The following FER variants were observed in gnomAD, a reference collection of about 807,000 sequenced individuals.
FER encodes the protein tyrosine-protein kinase Fer.
FER carries 63 observed loss-of-function variants against 111.0 expected under a neutral mutation model. The ratio of observed to expected loss-of-function variants is 0.57; its 90% CI spans 0.46 to 0.70. The LOEUF is 0.70. Ranked by LOEUF, FER falls within the 30% of genes least tolerant of loss-of-function variation. The pLI, the probability that FER is intolerant of heterozygous loss-of-function variation, is 0.00. For missense variants in FER, 914 were observed against 954.0 expected (o/e 0.96, Z 0.55); for synonymous variants, 327 against 313.9 (o/e 1.04, Z -0.44).
At chr5:108,917,602 G>T (rs1452138259) in intron 10 of FER, among the ~76,000 whole-genome samples, 1 of 152,168 alleles carries the variant, frequency 6.6e-6, no homozygotes, top group Non-Finnish European at 1.5e-5. Flanking sequence ...TGCTGAGTAG[G>T]TGTATGATGT....
At chr5:108,839,160 T>C (rs1760976380) in intron 5 of FER, among the ~76,000 whole-genome samples, 1 of 152,208 alleles carries the variant, frequency 6.6e-6, no homozygotes, top group South Asian at 2.1e-4. Context: ...GTGCCTCTTA[T>C]AGACGGGAAA....
At chr5:109,019,042 A>G (rs1366955138) in intron 13 of FER, among the ~76,000 whole-genome samples, 1 of 151,538 alleles carries the variant, frequency 6.6e-6, no homozygotes, top group Admixed American at 6.6e-5. Flanking sequence ...AATTCAAAAG[A>G]TACAAGCAGA....
At chr5:108,914,200 A>G (rs911909319) in intron 10 of FER, among the ~76,000 whole-genome samples, 1 of 151,752 alleles carries the variant, frequency 6.6e-6, no homozygotes, top group Non-Finnish European at 1.5e-5. Flanking sequence ...TTAGCATAGG[A>G]CCAAAATGAA....
intron 10 of FER, among the ~76,000 whole-genome samples, chr5:108,914,526 A>G (rs1390536751): frequency 2.6e-5 from 4 of 152,314 alleles, no homozygotes; most frequent in African/African-American, 9.6e-5. Context: ...TTTTGGGCAA[A>G]GGATTTTTGT....
At chr5:108,820,158 T>C in intron 3 of FER, 3 of 985,438 alleles carry the variant, frequency 3.0e-6, no homozygotes, top group Non-Finnish European at 3.6e-6. Flanking sequence ...TAGGCCATTA[T>C]TGTTTTAACA....
intron 17 of FER, among the ~76,000 whole-genome samples, chr5:109,166,163 C>G (rs970545301): frequency 1.3e-5 from 2 of 151,870 alleles, no homozygotes; most frequent in African/African-American, 2.4e-5. Context: ...TCATGTTAGC[C>G]TAGCCATAGG....
chr5:109,112,714 T>C (rs1191893522), intron 17 of FER, among the ~76,000 whole-genome samples: 1 of 152,174 alleles, frequency 6.6e-6, no homozygotes, highest in African/African-American at 2.4e-5. Context: ...GAATTAGCTT[T>C]TTTCCCATTA....
intron 10 of FER, among the ~76,000 whole-genome samples, chr5:108,915,074 T>A (rs1422353448): frequency 3.3e-5 from 5 of 152,168 alleles, no homozygotes; most frequent in African/African-American, 1.2e-4. Flanking sequence ...AACAAAGGAC[T>A]AAGAAGGTTA....
chr5:109,034,082 A>T (rs1261365149), intron 13 of FER, among the ~76,000 whole-genome samples: 1 of 152,204 alleles, frequency 6.6e-6, no homozygotes, highest in Non-Finnish European at 1.5e-5. Context: ...GATCTTGGAA[A>T]CTTACTCCTC....
chr5:108,993,605 G>GGGCA (rs1561736970), intron 13 of FER, among the ~76,000 whole-genome samples: 2 of 113,352 alleles, frequency 1.8e-5, no homozygotes, highest in African/African-American at 7.1e-5. Flanking sequence ...GGGCGAGGGC[G>GGGCA]AGGGAGAGGG....
intron 13 of FER, among the ~76,000 whole-genome samples, chr5:109,005,193 CTT>C (rs1259515021): frequency 2.0e-5 from 3 of 152,060 alleles, no homozygotes; most frequent in African/African-American, 7.2e-5. Context: ...AATCAGACCT[CTT>C]TTCTTCCACC....
chr5:109,126,628 C>G (rs1237737975), intron 17 of FER, among the ~76,000 whole-genome samples: 5 of 152,188 alleles, frequency 3.3e-5, no homozygotes, highest in African/African-American at 1.2e-4. Context: ...CAAGCCTTCT[C>G]AGGTCTGATC....
rs1000269462 is a variant in FER, at chr5:108,872,228, A to T, written c.923+16A>T. On this transcript the variant is annotated intron_variant, in intron 8 of 19. Coordinates refer to ENST00000281092, the MANE Select transcript of FER (RefSeq NM_005246.4). ...TGCAAGTAATGTAAGTATTCACAAA[A>T]TATCAACAGTTTAAATACTAGTATT... The T allele has an allele frequency of 6.3e-7, 1 of 1,588,776 alleles. No homozygotes were observed. Among genetic ancestry groups the T allele is most frequent in the Non-Finnish European group, 8.6e-7 (1 of 1,167,718 alleles).
intron 13 of FER, among the ~76,000 whole-genome samples, chr5:109,007,097 A>G (rs1486239929): frequency 6.6e-6 from 1 of 152,192 alleles, no homozygotes; most frequent in Non-Finnish European, 1.5e-5. Flanking sequence ...CAGAAAATTG[A>G]GAAATTATTT....
intron 16 of FER, among the ~76,000 whole-genome samples, chr5:109,093,933 ACTGT>A (rs762177498): frequency 1.3e-5 from 2 of 152,066 alleles, no homozygotes; most frequent in African/African-American, 2.4e-5. Context: ...TTGCTTTTAC[ACTGT>A]CTATCAGAGG....
chr5:109,041,532 C>T (rs1771182802), intron 14 of FER, among the ~76,000 whole-genome samples: 1 of 151,642 alleles, frequency 6.6e-6, no homozygotes, highest in Non-Finnish European at 1.5e-5. Flanking sequence ...AGATGTTATA[C>T]AACATTTGCA....
intron 2 of FER, among the ~76,000 whole-genome samples, chr5:108,779,856 C>T (rs942479260): frequency 2.0e-5 from 3 of 152,160 alleles, no homozygotes; most frequent in African/African-American, 4.8e-5. Context: ...GACAACCTTG[C>T]CTTGTTCCGG....
chr5:108,957,815 A>G (rs1758627102), intron 12 of FER, among the ~76,000 whole-genome samples: 1 of 151,496 alleles, frequency 6.6e-6, no homozygotes, highest in South Asian at 2.1e-4. Context: ...CAACTCTTTT[A>G]CTCTGTGAGG....
intron 17 of FER, among the ~76,000 whole-genome samples, chr5:109,110,128 T>C (rs1470579778): frequency 6.6e-6 from 1 of 152,166 alleles, no homozygotes; most frequent in African/African-American, 2.4e-5. Context: ...ATACTGAGTA[T>C]GTTTTGGCCA....
Sources: allele counts gnomAD v4.1 joint callset (sites outside exome capture counted in the v4.1 genomes callset), GRCh38; gene constraint gnomAD v4.1.1; transcripts MANE v1.5; gene names NCBI Gene and HGNC (gene_info 2026-07-23, HGNC 2026-07-21).